The following CFAP96 variants were observed in gnomAD, a reference collection of about 807,000 sequenced individuals.
The protein encoded by CFAP96 is cilia-and flagella-associated protein 96.
the CFAP96 span, among the ~76,000 whole-genome samples, chr4:185,449,431 G>C: frequency 6.6e-6 from 1 of 151,978 alleles, no homozygotes; most frequent in Non-Finnish European, 1.5e-5. Flanking sequence ...CGAGGCAGGA[G>C]GATTGCCTAA....
the CFAP96 span, among the ~76,000 whole-genome samples, chr4:185,435,400 A>G: frequency 6.6e-6 from 1 of 152,202 alleles, no homozygotes; most frequent in Admixed American, 6.5e-5. Flanking sequence ...GTTTACTTCA[A>G]TGGTAACTTA....
chr4:185,417,581 C>A, the CFAP96 span, among the ~76,000 whole-genome samples: 2 of 152,186 alleles, frequency 1.3e-5, no homozygotes, highest in African/African-American at 2.4e-5. Flanking sequence ...GGCCCACGCC[C>A]ACCTCTCCAG....
At chr4:185,443,921 C>CTTTTTTTTTTTTTTTTTTTT in the CFAP96 span, among the ~76,000 whole-genome samples, 1 of 82,810 alleles carries the variant, frequency 1.2e-5, no homozygotes, top group Non-Finnish European at 2.4e-5. Flanking sequence ...CTATATCTTT[C>CTTTTTTTTTTTTTTTTTTTT]TTTTTTTTTT....
chr4:185,415,117 A>G, the CFAP96 span: 3 of 1,469,952 alleles, frequency 2.0e-6, no homozygotes, highest in Non-Finnish European at 2.8e-6. Context: ...AATGATAGTC[A>G]TTATTGTTTT....
the CFAP96 span, among the ~76,000 whole-genome samples, chr4:185,437,269 C>T: frequency 1.3e-5 from 2 of 152,274 alleles, no homozygotes; most frequent in South Asian, 4.1e-4. Context: ...TCACTGTGTA[C>T]CATATTTGAC....
chr4:185,415,326 A>T, the CFAP96 span: 2 of 1,592,128 alleles, frequency 1.3e-6, no homozygotes, highest in Non-Finnish European at 8.5e-7. Context: ...TATGAATTGC[A>T]TCAACCAGGA....
chr4:185,409,418 A>G, the CFAP96 span, among the ~76,000 whole-genome samples: 2 of 152,032 alleles, frequency 1.3e-5, no homozygotes, highest in Non-Finnish European at 2.9e-5. Flanking sequence ...TTGAACTTCT[A>G]GGCTCAAGTG....
the CFAP96 span, chr4:185,426,048 G>A: frequency 1.5e-6 from 1 of 669,274 alleles, no homozygotes; most frequent in Non-Finnish European, 2.6e-6. Context: ...CGCGGACGGC[G>A]AGGCGGGGCG....
chr4:185,412,675 G>A, the CFAP96 span, among the ~76,000 whole-genome samples: 1 of 152,046 alleles, frequency 6.6e-6, no homozygotes, highest in Non-Finnish European at 1.5e-5. Flanking sequence ...GGTATGAGGT[G>A]GAGCAGACAG....
chr4:185,432,249 T>C, the CFAP96 span: 5 of 1,329,276 alleles, frequency 3.8e-6, no homozygotes, highest in Non-Finnish European at 5.2e-6. Context: ...TGTACCTTTA[T>C]CCCTAAATTA....
chr4:185,425,996 T>TCGG, the CFAP96 span: 1 of 1,111,458 alleles, frequency 9.0e-7, no homozygotes. Flanking sequence ...CCCGACATGC[T>TCGG]CGGCGGCATG....
the CFAP96 span, chr4:185,429,367 CTT>C: frequency 1.5e-5 from 18 of 1,200,870 alleles, no homozygotes; most frequent in Middle Eastern, 3.9e-4. Context: ...CCTAGGGAAA[CTT>C]TTGAAGTTAG....
the CFAP96 span, among the ~76,000 whole-genome samples, chr4:185,438,836 C>T: frequency 2.0e-5 from 3 of 152,300 alleles, no homozygotes; most frequent in South Asian, 2.1e-4. Flanking sequence ...CTAGGTACTC[C>T]GTCCGATGCC....
the CFAP96 span, chr4:185,436,464 C>A: frequency 1.2e-6 from 1 of 814,980 alleles, no homozygotes. Context: ...GTAATCCCAG[C>A]ACTTGGGGTG....
At chr4:185,439,957 ATATACATATATG>A in the CFAP96 span, among the ~76,000 whole-genome samples, 3 of 147,018 alleles carry the variant, frequency 2.0e-5, no homozygotes, top group African/African-American at 7.4e-5. Context: ...TATATATGAT[ATATACATATATG>A]TATATGTGTA....
the CFAP96 span, chr4:185,418,386 C>T: frequency 7.3e-7 from 1 of 1,374,118 alleles, no homozygotes; most frequent in Non-Finnish European, 1.0e-6. Flanking sequence ...GCACTCAGTT[C>T]CAAATCCAAA....
chr4:185,418,366 T>A, the CFAP96 span: 1 of 1,150,204 alleles, frequency 8.7e-7, no homozygotes, highest in Non-Finnish European at 1.2e-6. Flanking sequence ...GTTAAATTAT[T>A]TCTAAGATTG....
chr4:185,417,133 T>A, the CFAP96 span, among the ~76,000 whole-genome samples: 3 of 152,348 alleles, frequency 2.0e-5, no homozygotes, highest in East Asian at 5.8e-4. Flanking sequence ...GACTGATAAC[T>A]GTCTCTTTCA....
the CFAP96 span, among the ~76,000 whole-genome samples, chr4:185,443,942 T>C: frequency 2.5e-4 from 17 of 67,176 alleles, no homozygotes; most frequent in African/African-American, 1.2e-3. Context: ...TTTTTTTTTT[T>C]TTTTTTTTTT....
Sources: allele counts gnomAD v4.1 joint callset (sites outside exome capture counted in the v4.1 genomes callset), GRCh38; gene constraint gnomAD v4.1.1; transcripts MANE v1.5; gene names NCBI Gene and HGNC (gene_info 2026-07-23, HGNC 2026-07-21).